FGF14: variants seen among roughly 807,000 people sequenced by gnomAD.
The protein encoded by FGF14 is fibroblast growth factor homologous factor 4.
A neutral mutation model predicts 25.5 loss-of-function variants in FGF14; 5 were observed. That is an observed-to-expected ratio of 0.20 (90% CI 0.10 to 0.41). FGF14 has a LOEUF of 0.41. FGF14 is among the 10% of genes least tolerant of loss of function. The probability of loss-of-function intolerance (pLI) is 1.00; values close to 1 mark genes in which losing one functional copy is unlikely to be tolerated. For synonymous variants in FGF14, 138 were observed against 118.3 expected, an observed-to-expected ratio of 1.17 and a Z score of -1.08; for missense variants, 222 against 320.1, an observed-to-expected ratio of 0.69 and a Z score of 2.34.
At chr13:101,820,805 C>A (rs111386060) in intron 3 of FGF14, among the ~76,000 whole-genome samples, 9 of 66,712 alleles carry the variant, frequency 1.3e-4, no homozygotes, top group African/African-American at 3.7e-4. Flanking sequence ...CACACACACA[C>A]AACACACACA....
At chr13:102,180,063 CAG>C (rs1185983545) in intron 1 of FGF14, among the ~76,000 whole-genome samples, 1 of 152,076 alleles carries the variant, frequency 6.6e-6, no homozygotes, top group Non-Finnish European at 1.5e-5. Context: ...TTCTGGCAAA[CAG>C]GGAGTTTCTG....
chr13:101,791,255 G>T (rs2140091561), intron 3 of FGF14, among the ~76,000 whole-genome samples: 2 of 152,224 alleles, frequency 1.3e-5, no homozygotes, highest in Non-Finnish European at 2.9e-5. Context: ...GTACTGTAAG[G>T]TGCTGTAACC....
intron 1 of FGF14, among the ~76,000 whole-genome samples, chr13:102,143,701 T>A (rs1378186433): frequency 6.6e-6 from 1 of 152,206 alleles, no homozygotes; most frequent in Non-Finnish European, 1.5e-5. Context: ...TAGAGTCAAA[T>A]TGACTTCAAA....
At chr13:102,284,911 TTCTCTCTCTCTCTCCCCCTCCG>T (rs1474798496) in intron 1 of FGF14, among the ~76,000 whole-genome samples, 34 of 151,606 alleles carry the variant, frequency 2.2e-4, no homozygotes, top group Non-Finnish European at 3.5e-4. Context: ...CCTTTTCTAT[TTCTCTCTCTCTCTCCCCCTCCG>T]TCTCTCTCTC....
intron 1 of FGF14, among the ~76,000 whole-genome samples, chr13:102,337,485 C>A (rs147877548): frequency 6.6e-6 from 1 of 152,152 alleles, no homozygotes; most frequent in Admixed American, 6.6e-5. Flanking sequence ...GAATCTACTC[C>A]TGATGGAAGA....
At chr13:102,027,095 T>C (rs1871899617) in intron 1 of FGF14, among the ~76,000 whole-genome samples, 1 of 151,982 alleles carries the variant, frequency 6.6e-6, no homozygotes, top group South Asian at 2.1e-4. Context: ...TCCTTTGGCA[T>C]AGTCAATTCC....
intron 1 of FGF14, among the ~76,000 whole-genome samples, chr13:102,082,820 T>TAGTGGCGGGCGC (rs2043694935): frequency 6.7e-6 from 1 of 149,698 alleles, no homozygotes; most frequent in Non-Finnish European, 1.5e-5. Context: ...TAGCCGGGCG[T>TAGTGGCGGGCGC]AGTGGCGGGC....
At chr13:102,356,299 A>AACCATGC (rs1183357510) in intron 1 of FGF14, among the ~76,000 whole-genome samples, 1 of 152,254 alleles carries the variant, frequency 6.6e-6, no homozygotes, top group Non-Finnish European at 1.5e-5. Context: ...TTTAAAACGC[A>AACCATGC]ACCATGCAAC....
At chr13:101,993,069 A>G (rs2038990055) in intron 1 of FGF14, among the ~76,000 whole-genome samples, 1 of 151,990 alleles carries the variant, frequency 6.6e-6, no homozygotes, top group South Asian at 2.1e-4. Context: ...GAAAATCTCA[A>G]AAGAAGCCAC....
chr13:102,158,438 T>G (rs1388665357), intron 1 of FGF14, among the ~76,000 whole-genome samples: 5 of 150,028 alleles, frequency 3.3e-5, no homozygotes, highest in Admixed American at 1.3e-4. Context: ...CCAAACACCA[T>G]ATGTTCTCAC....
chr13:101,868,697 T>C, intron 3 of FGF14, 28 bp downstream of exon 3: 1 of 1,339,526 alleles, frequency 7.5e-7, no homozygotes, highest in Non-Finnish European at 1.1e-6. Flanking sequence ...ATTGAACGAA[T>C]GGCCGAGATC....
intron 1 of FGF14, 101 bp downstream of exon 1, chr13:101,916,342 GGGGCCGGGGT>G (rs1474612383): frequency 2.2e-6 from 3 of 1,349,836 alleles, no homozygotes; most frequent in East Asian, 2.4e-5. Context: ...AAGGGAGGCC[GGGGCCGGGGT>G]GGGCCGGGAA....
intron 1 of FGF14, among the ~76,000 whole-genome samples, chr13:102,246,778 T>C (rs953712595): frequency 1.4e-5 from 2 of 140,198 alleles, no homozygotes; most frequent in Non-Finnish European, 3.1e-5. Flanking sequence ...ATATCCCAAA[T>C]AGCCAAGGCA....
At chr13:101,793,526 G>A (rs2040355670) in intron 3 of FGF14, among the ~76,000 whole-genome samples, 1 of 152,088 alleles carries the variant, frequency 6.6e-6, no homozygotes, top group Admixed American at 6.6e-5. Context: ...TGCACATAGT[G>A]CCACAATCAA....
intron 1 of FGF14, among the ~76,000 whole-genome samples, chr13:102,015,419 T>G (rs1429999360): frequency 6.6e-6 from 1 of 152,162 alleles, no homozygotes; most frequent in Non-Finnish European, 1.5e-5. Flanking sequence ...AGTAGAAGAA[T>G]GAATTTAAAA....
At chr13:102,342,946 C>T (rs1316756507) in intron 1 of FGF14, among the ~76,000 whole-genome samples, 1 of 152,116 alleles carries the variant, frequency 6.6e-6, no homozygotes, top group Non-Finnish European at 1.5e-5. Context: ...GAAACCCAAG[C>T]AACTAGTCTC....
In FGF14 at chr13:101,927,498, T is replaced by C. The variant is rs764901271; in HGVS notation, c.209-52202A>G. On this transcript the variant is annotated intron_variant, in intron 1 of 4. Coordinates refer to the FGF14 transcript ENST00000376131. ...GCAGGACAAGTTTCAGATTCATTTA[T>C]GTCATGGGTATTTGAGTACAGATAG... 9.9e-5 allele frequency among the ~76,000 whole-genome samples: 15 copies of C among 152,204 alleles called. 1 individual carries two copies. Among genetic ancestry groups the C allele is most frequent in the Non-Finnish European group, 2.2e-4 (15 of 68,044 alleles).
At chr13:101,859,483 A>T (rs1594511685) in intron 3 of FGF14, among the ~76,000 whole-genome samples, 1 of 152,142 alleles carries the variant, frequency 6.6e-6, no homozygotes, top group African/African-American at 2.4e-5. Flanking sequence ...AATAGCTGAC[A>T]ATGGAAGGAG....
At chr13:102,342,315 A>G (rs754301024) in intron 1 of FGF14, among the ~76,000 whole-genome samples, 2 of 152,140 alleles carry the variant, frequency 1.3e-5, no homozygotes, top group African/African-American at 2.4e-5. Context: ...ATTCTCAAAT[A>G]CAAAAGGGGA....
Sources: allele counts gnomAD v4.1 joint callset (sites outside exome capture counted in the v4.1 genomes callset), GRCh38; gene constraint gnomAD v4.1.1; transcripts MANE v1.5; gene names NCBI Gene and HGNC (gene_info 2026-07-23, HGNC 2026-07-21).